The following CPNE4 variants were observed in gnomAD, a reference collection of about 807,000 sequenced individuals.
CPNE4 encodes the protein copine 4.
In CPNE4, 25 loss-of-function variants were observed where a neutral mutation model predicts 67.9. The ratio of observed to expected loss-of-function variants is 0.37; its 90% CI spans 0.27 to 0.51. The LOEUF is 0.51. Ranked by LOEUF, CPNE4 falls within the 20% of genes least tolerant of loss-of-function variation. CPNE4 has a pLI of 0.93. For synonymous variants in CPNE4, 242 were observed against 244.9 expected (o/e 0.99, Z 0.11); for missense variants, 464 against 690.8 (o/e 0.67, Z 3.68).
chr3:132,010,587 C>T (rs980477429), intron 1 of CPNE4, among the ~76,000 whole-genome samples: 6 of 152,100 alleles, frequency 3.9e-5, no homozygotes, highest in African/African-American at 1.4e-4. Context: ...GTGTCCAGGT[C>T]CCCATTTTCA....
At chr3:131,717,934 C>CTTCT (rs1346529249) in intron 3 of CPNE4, among the ~76,000 whole-genome samples, 1 of 126,624 alleles carries the variant, frequency 7.9e-6, no homozygotes, top group Non-Finnish European at 1.7e-5. Context: ...TTCTTTCTTT[C>CTTCT]TTTCTTTCTT....
intron 2 of CPNE4, among the ~76,000 whole-genome samples, chr3:131,861,679 G>A (rs146694813): frequency 0.077 from 11,664 of 152,016 alleles, 578 homozygotes; most frequent in East Asian, 0.17. Context: ...GCGATCCACC[G>A]GCCTCGGCCT....
At chr3:131,578,322 T>G (rs547289262) in intron 9 of CPNE4, among the ~76,000 whole-genome samples, 22 of 152,270 alleles carry the variant, frequency 1.4e-4, no homozygotes, top group African/African-American at 5.1e-4. Context: ...CAAGCCCACA[T>G]AAGATGGTGA....
chr3:131,885,720 G>A lies in CPNE4; in HGVS notation c.180+19544C>T, dbSNP rs2087857730. 3.9e-5 allele frequency among the ~76,000 whole-genome samples: 6 copies of A among 151,992 alleles called. No individual in the cohort carries two copies. The South Asian group carries it at 1.2e-3, about 32-fold the overall frequency. ...CCCACCCCACAACAGTCCCCACAGTGTGATGTTCCCCTTCCTGTGTCCATG... is the reference window on the plus strand; with the variant it reads ...CCCACCCCACAACAGTCCCCACAGTATGATGTTCCCCTTCCTGTGTCCATG... On this transcript the variant is annotated intron_variant, in intron 2 of 15. Transcript: ENST00000429747.
chr3:131,978,566 GTTTC>G (rs2072817319), intron 1 of CPNE4, among the ~76,000 whole-genome samples: 1 of 85,916 alleles, frequency 1.2e-5, no homozygotes, highest in South Asian at 3.8e-4. Flanking sequence ...ATATGCCACA[GTTTC>G]TTTATCCACT....
In CPNE4 at chr3:131,632,235, C is replaced by T. The variant is rs189343229; in HGVS notation, c.681+37440G>A. Among the ~76,000 whole-genome samples the T allele has an allele frequency of 3.0e-3, 461 of 152,078 alleles. 5 individuals are homozygous for T. Among genetic ancestry groups the T allele is most frequent in the East Asian group, 0.015 (76 of 5,088 alleles). On this transcript the variant is annotated intron_variant, in intron 7 of 15. Transcript: ENST00000429747. ...ATGTTGGCCAGGCTGGTCTCGAACT[C>T]GTGACCTCAGGTGATTCACCCACCT... is the stretch of plus-strand genomic sequence containing the variant.
chr3:131,979,826 ATG>A (rs2072860378), intron 1 of CPNE4, among the ~76,000 whole-genome samples: 1 of 151,570 alleles, frequency 6.6e-6, no homozygotes, highest in Admixed American at 6.6e-5. Flanking sequence ...CTCTGTTGTG[ATG>A]TGTTTCCAGG....
intron 2 of CPNE4, among the ~76,000 whole-genome samples, chr3:131,843,371 A>G (rs533125526): frequency 1.7e-4 from 26 of 152,344 alleles, no homozygotes; most frequent in African/African-American, 5.1e-4. Context: ...ACCCACACGT[A>G]TTATAGGAGC....
intron 3 of CPNE4, among the ~76,000 whole-genome samples, chr3:131,708,345 T>C (rs939879891): frequency 6.6e-6 from 1 of 152,076 alleles, no homozygotes; most frequent in Non-Finnish European, 1.5e-5. Context: ...GAGCTTTGTT[T>C]TGGGCTGCTG....
chr3:131,744,237 A>G (rs893707826), intron 2 of CPNE4, among the ~76,000 whole-genome samples: 3 of 152,054 alleles, frequency 2.0e-5, no homozygotes, highest in Admixed American at 2.0e-4. Flanking sequence ...TGAAAACAAA[A>G]TAAAAAATAT....
At chr3:132,025,579 C>T (rs777680287) in intron 1 of CPNE4, among the ~76,000 whole-genome samples, 2 of 152,170 alleles carry the variant, frequency 1.3e-5, no homozygotes, top group Non-Finnish European at 2.9e-5. Context: ...CTAATTTTCA[C>T]AATTCCCCTG....
At chr3:131,963,607 T>C (rs1418910888) in intron 1 of CPNE4, among the ~76,000 whole-genome samples, 1 of 152,114 alleles carries the variant, frequency 6.6e-6, no homozygotes. Flanking sequence ...CCACTCACAG[T>C]GTTAAGCAAG....
intron 2 of CPNE4, among the ~76,000 whole-genome samples, chr3:131,754,139 T>C (rs2082696403): frequency 6.6e-6 from 1 of 152,130 alleles, no homozygotes; most frequent in African/African-American, 2.4e-5. Context: ...GCAGAGATTT[T>C]CATAAGGTAT....
chr3:131,535,075 G>C lies in CPNE4; in HGVS notation c.*120C>G. Reference sequence around the variant, plus strand: ...TCAGATAGTTAAAAATCACCAAAACGTGCTATTTTTAAATGTGTATATGTT... The same window carrying C: ...TCAGATAGTTAAAAATCACCAAAACCTGCTATTTTTAAATGTGTATATGTT... On this transcript the variant is annotated 3_prime_UTR_variant, in exon 16 of 16. Transcript: ENST00000429747. 9.4e-7 allele frequency: 1 copy of C among 1,058,796 alleles called. No individual in the cohort carries two copies. The highest frequency in any genetic ancestry group is 1.3e-6 in the Non-Finnish European group (1 of 765,022). The allele number at this position is 1,058,796 out of a possible 1,614,324, so 65.6% of individuals were successfully genotyped here. A position where few individuals can be genotyped will look rare whatever the true frequency, so the allele number is the denominator to read the frequency against.
intron 1 of CPNE4, among the ~76,000 whole-genome samples, chr3:132,000,744 G>A (rs964230680): frequency 4.7e-5 from 7 of 150,398 alleles, no homozygotes; most frequent in Admixed American, 6.7e-5. Context: ...TAAAACAGTA[G>A]CATTTTAAAT....
At chr3:131,932,486 T>C (rs2071092591) in intron 1 of CPNE4, among the ~76,000 whole-genome samples, 1 of 151,996 alleles carries the variant, frequency 6.6e-6, no homozygotes, top group African/African-American at 2.4e-5. Flanking sequence ...AATAAAGAAG[T>C]GTATGAATAT....
intron 1 of CPNE4, among the ~76,000 whole-genome samples, chr3:132,005,797 A>AG (rs397935496): frequency 5.2e-5 from 3 of 57,924 alleles, no homozygotes; most frequent in Non-Finnish European, 1.7e-4. Context: ...GAAAAAAAAA[A>AG]TCCACTTCTA....
At chr3:131,655,810 A>C (rs1485926529) in intron 7 of CPNE4, among the ~76,000 whole-genome samples, 2 of 152,168 alleles carry the variant, frequency 1.3e-5, no homozygotes, top group East Asian at 3.8e-4. Context: ...TCTATTAAAA[A>C]TCTCATTGCT....
intron 2 of CPNE4, among the ~76,000 whole-genome samples, chr3:131,749,096 C>T (rs1404643957): frequency 2.0e-5 from 3 of 152,122 alleles, no homozygotes; most frequent in Non-Finnish European, 2.9e-5. Flanking sequence ...GCGCACTCAG[C>T]ACTTCTTTAA....
Sources: gnomAD v4.1 joint callset for allele counts (sites outside exome capture counted in the v4.1 genomes callset) on GRCh38, gnomAD v4.1.1 for gene constraint, MANE v1.5 for transcripts, NCBI Gene and HGNC (gene_info 2026-07-23, HGNC 2026-07-21) for gene names.